Variants in RBFOX1 observed in about 807,000 individuals in gnomAD.
RBFOX1 encodes the protein RNA binding fox-1 homolog 1.
Under a neutral mutation model 57.7 loss-of-function variants are expected in RBFOX1, and 8 were observed. That is an observed-to-expected ratio of 0.14 (90% CI 0.08 to 0.25). RBFOX1 has a LOEUF of 0.25. Ranked by LOEUF, RBFOX1 falls within the 10% of genes least tolerant of loss-of-function variation. The pLI is 1.00. For missense variants in RBFOX1, 611 were observed against 548.5 expected, an observed-to-expected ratio of 1.11 and a Z score of -1.14; for synonymous variants, 326 against 222.4, an observed-to-expected ratio of 1.47 and a Z score of -4.15.
chr16:6,602,590 G>A (rs1032688292), intron 2 of RBFOX1, among the ~76,000 whole-genome samples: 10 of 152,046 alleles, frequency 6.6e-5, no homozygotes, highest in East Asian at 1.9e-4. Context: ...GAGGCCAGGC[G>A]GGGACTCCTG....
intron 2 of RBFOX1, among the ~76,000 whole-genome samples, chr16:6,415,445 C>G (rs564235031): frequency 6.6e-6 from 1 of 151,984 alleles, no homozygotes; most frequent in African/African-American, 2.4e-5. Flanking sequence ...CCTGTAATCA[C>G]AGCAGGGAGA....
intron 3 of RBFOX1, among the ~76,000 whole-genome samples, chr16:5,730,683 T>G (rs2052334205): frequency 6.6e-6 from 1 of 151,872 alleles, no homozygotes; most frequent in Non-Finnish European, 1.5e-5. Context: ...TTGTCACCAA[T>G]GTCACCACCA....
intron 14 of RBFOX1, among the ~76,000 whole-genome samples, chr16:7,686,428 A>G (rs888820969): frequency 6.6e-6 from 1 of 152,050 alleles, no homozygotes; most frequent in Non-Finnish European, 1.5e-5. Flanking sequence ...CCACACATGC[A>G]TTAGCTTTGT....
intron 3 of RBFOX1, among the ~76,000 whole-genome samples, chr16:5,864,873 C>T (rs1007249298): frequency 6.6e-6 from 1 of 152,200 alleles, no homozygotes; most frequent in African/African-American, 2.4e-5. Context: ...ACTGTCTCTC[C>T]CACTATAGGT....
At chr16:6,261,965 G>A (rs1358875642) in intron 1 of RBFOX1, among the ~76,000 whole-genome samples, 2 of 152,050 alleles carry the variant, frequency 1.3e-5, no homozygotes, top group African/African-American at 2.4e-5. Flanking sequence ...AGAGACAAAG[G>A]ATGCAGTGAG....
chr16:6,793,320 T>C (rs563593774), intron 3 of RBFOX1, among the ~76,000 whole-genome samples: 20 of 152,318 alleles, frequency 1.3e-4, no homozygotes, highest in Non-Finnish European at 2.6e-4. Context: ...TGAAATTTGA[T>C]TGGAGAAGTT....
intron 2 of RBFOX1, among the ~76,000 whole-genome samples, chr16:6,341,907 C>A (rs1344811558): frequency 6.6e-6 from 1 of 152,196 alleles, no homozygotes; most frequent in South Asian, 2.1e-4. Flanking sequence ...TCCACTGAAC[C>A]CACCTGGATC....
intron 2 of RBFOX1, among the ~76,000 whole-genome samples, chr16:6,521,069 C>G (rs935474942): frequency 2.0e-5 from 3 of 152,146 alleles, no homozygotes; most frequent in Admixed American, 6.5e-5. Context: ...AGCAATTCCA[C>G]GCACAGGAAT....
At position 7,317,358 on chromosome 16, in the gene RBFOX1, A is replaced by T. The variant is rs548366020; in HGVS notation, c.28-200789A>T. Among the ~76,000 whole-genome samples the T allele has an allele frequency of 7.2e-5, 11 of 152,264 alleles. No homozygotes were observed. The East Asian group carries it at 1.2e-3, about 16-fold the overall frequency. ...ATGCAGCTTCATGGAAGTGAGTGACAGGCCAGTCTCAGCATATCTTAGGCC... is the reference window on the plus strand; with the variant it reads ...ATGCAGCTTCATGGAAGTGAGTGACTGGCCAGTCTCAGCATATCTTAGGCC... On this transcript the variant is annotated intron_variant, in intron 4 of 15. Transcript: ENST00000550418.
intron 4 of RBFOX1, among the ~76,000 whole-genome samples, chr16:7,176,000 C>A (rs1057236754): frequency 6.6e-6 from 1 of 152,024 alleles, no homozygotes; most frequent in Admixed American, 6.5e-5. Context: ...GCGTGCTTAG[C>A]AGCCATCCGA....
intron 4 of RBFOX1, among the ~76,000 whole-genome samples, chr16:5,978,839 CTCA>C (rs1458547174): frequency 6.6e-6 from 1 of 151,366 alleles, no homozygotes; most frequent in African/African-American, 2.4e-5. Flanking sequence ...AAATGCTCTT[CTCA>C]TCATATAGCG....
rs1261635271 is a variant in RBFOX1 at position 7,288,373 on chromosome 16, G to T, written c.28-229774G>T. On this transcript the variant is annotated intron_variant, in intron 4 of 15. Coordinates refer to ENST00000550418, the MANE Select transcript of RBFOX1 (RefSeq NM_018723.4). ...ACACTCATCTGAGTTAGGGCCTCAG[G>T]GTGTACATTTAAATAAGTTATTTAT... Among the ~76,000 whole-genome samples, 3 of 152,102 alleles carry T rather than the reference G, an allele frequency of 2.0e-5. No homozygotes were observed. The East Asian group carries it at 5.8e-4, about 29-fold the overall frequency.
intron 4 of RBFOX1, among the ~76,000 whole-genome samples, chr16:7,062,366 A>G (rs1191271187): frequency 6.6e-6 from 1 of 150,538 alleles, no homozygotes; most frequent in Admixed American, 6.6e-5. Flanking sequence ...AATGGTAATG[A>G]GATATAAAAG....
At chr16:7,612,838 T>C (rs1382161227) in intron 10 of RBFOX1, among the ~76,000 whole-genome samples, 1 of 152,198 alleles carries the variant, frequency 6.6e-6, no homozygotes, top group East Asian at 1.9e-4. Flanking sequence ...ACCCACGTTG[T>C]ATATCATATC....
intron 2 of RBFOX1, among the ~76,000 whole-genome samples, chr16:6,325,907 C>G (rs1462480472): frequency 2.6e-5 from 4 of 152,186 alleles, no homozygotes; most frequent in Admixed American, 6.5e-5. Flanking sequence ...CAACTCCATG[C>G]CTGGCTTACA....
At chr16:6,622,801 G>A (rs896238619) in intron 2 of RBFOX1, among the ~76,000 whole-genome samples, 12 of 152,132 alleles carry the variant, frequency 7.9e-5, no homozygotes, top group Admixed American at 5.9e-4. Context: ...AGCCACTGAT[G>A]AGCTGAGAAC....
Position 5,365,966 on chromosome 16 carries a change from G to A in RBFOX1, c.220-101250G>A, listed in dbSNP as rs561293873. 44 of 494,012 alleles carry A rather than the reference G, an allele frequency of 8.9e-5. 1 individual carries two copies. Among genetic ancestry groups the A allele is most frequent in the East Asian group, 6.0e-4 (11 of 18,440 alleles). The allele number at this position is 494,012 out of a possible 1,614,324, so 30.6% of individuals were successfully genotyped here. A position where few individuals can be genotyped will look rare whatever the true frequency, so the allele number is the denominator to read the frequency against. ...TAGGGGCTGGTGTGAAGGATGAATC[G>A]TACATTGTGGAAGCAGAGGCAGTGA... On this transcript the variant is annotated intron_variant, in intron 1 of 2. Coordinates refer to the RBFOX1 transcript ENST00000585867.
intron 2 of RBFOX1, among the ~76,000 whole-genome samples, chr16:6,547,697 T>C (rs1371495708): frequency 1.3e-5 from 2 of 152,130 alleles, no homozygotes; most frequent in African/African-American, 4.8e-5. Flanking sequence ...AGCTGATCTT[T>C]GTAAAGCAGA....
intron 3 of RBFOX1, among the ~76,000 whole-genome samples, chr16:6,781,087 A>G (rs920187938): frequency 1.3e-5 from 2 of 152,088 alleles, no homozygotes; most frequent in Non-Finnish European, 2.9e-5. Flanking sequence ...GTCTGGAAGC[A>G]TTTCCACAGT....
Sources: gnomAD v4.1 joint callset for allele counts (sites outside exome capture counted in the v4.1 genomes callset) on GRCh38, gnomAD v4.1.1 for gene constraint, MANE v1.5 for transcripts, NCBI Gene and HGNC (gene_info 2026-07-23, HGNC 2026-07-21) for gene names.